Variants in NTN1 observed in about 807,000 individuals in gnomAD.
The protein encoded by NTN1 is netrin 1.
In NTN1, 11 loss-of-function variants were observed where a neutral mutation model predicts 54.2. That is an observed-to-expected ratio of 0.20 (90% confidence interval 0.13 to 0.34). The LOEUF is 0.34. NTN1 is among the 10% of genes least tolerant of loss of function. The pLI, the probability that NTN1 is intolerant of heterozygous loss-of-function variation, is 1.00. For missense variants in NTN1, 740 were observed against 893.1 expected (o/e 0.83, Z 2.18); for synonymous variants, 371 against 382.0 (o/e 0.97, Z 0.33).
intron 6 of NTN1, among the ~76,000 whole-genome samples, chr17:9,234,956 G>GT (rs1188174013): frequency 5.7e-5 from 5 of 87,502 alleles, no homozygotes; most frequent in Non-Finnish European, 8.2e-5. Flanking sequence ...TCTGTTTTTT[G>GT]TTTTTTGGTT....
rs116978338 is a variant in NTN1, at chr17:9,065,404, C to T, written c.1018+42013C>T. On this transcript the variant is annotated intron_variant, in intron 2 of 6. Transcript: ENST00000173229. ...CCTGTTCTTCCCACTCTTCTGTCTG[C>T]TCTTGGCTGGTTCTTTCTCATCCCT... Among the ~76,000 whole-genome samples the T allele has an allele frequency of 1.8e-4, 27 of 152,330 alleles. No homozygotes were observed. In the East Asian group the frequency reaches 5.2e-3, roughly 29 times the overall value.
intron 6 of NTN1, among the ~76,000 whole-genome samples, chr17:9,227,414 GCA>G (rs1275386290): frequency 7.5e-6 from 1 of 132,600 alleles, no homozygotes; most frequent in Non-Finnish European, 1.6e-5. Flanking sequence ...CACACCACAT[GCA>G]CACATACATA....
intron 2 of NTN1, among the ~76,000 whole-genome samples, chr17:9,118,574 C>G (rs2092222134): frequency 6.6e-6 from 1 of 152,140 alleles, no homozygotes; most frequent in South Asian, 2.1e-4. Context: ...AGTTGTACAA[C>G]CATCACCATA....
At chr17:9,039,846 G>C (rs1489479954) in intron 2 of NTN1, among the ~76,000 whole-genome samples, 1 of 152,016 alleles carries the variant, frequency 6.6e-6, no homozygotes, top group Non-Finnish European at 1.5e-5. Flanking sequence ...TTTCTGGGGG[G>C]GTATTCATTG....
intron 6 of NTN1, among the ~76,000 whole-genome samples, chr17:9,223,847 C>A (rs529922671): frequency 6.6e-6 from 1 of 152,302 alleles, no homozygotes; most frequent in African/African-American, 2.4e-5. Context: ...TCTCCTCTCC[C>A]CATCCTTCCC....
At chr17:9,184,569 C>T (rs2092427650) in intron 5 of NTN1, among the ~76,000 whole-genome samples, 1 of 152,206 alleles carries the variant, frequency 6.6e-6, no homozygotes, top group African/African-American at 2.4e-5. Flanking sequence ...AGGCTGTGCA[C>T]ACCGCGGGGG....
chr17:9,063,332 A>G (rs900321357), intron 2 of NTN1, among the ~76,000 whole-genome samples: 1 of 152,166 alleles, frequency 6.6e-6, no homozygotes, highest in African/African-American at 2.4e-5. Context: ...TCCTGGCCTC[A>G]GGGAATCCAC....
chr17:9,034,318 T>G (rs2091896625), intron 2 of NTN1, among the ~76,000 whole-genome samples: 2 of 152,202 alleles, frequency 1.3e-5, no homozygotes, highest in Admixed American at 6.5e-5. Flanking sequence ...CAGCACACAT[T>G]TCTATAGCCT....
At chr17:9,081,564 CA>C (rs1290820496) in intron 2 of NTN1, among the ~76,000 whole-genome samples, 1 of 152,214 alleles carries the variant, frequency 6.6e-6, no homozygotes, top group Non-Finnish European at 1.5e-5. Context: ...CCACCTGCCC[CA>C]CCCGTCCACA....
chr17:9,083,478 C>T (rs2092079169), intron 2 of NTN1, among the ~76,000 whole-genome samples: 1 of 152,244 alleles, frequency 6.6e-6, no homozygotes, highest in African/African-American at 2.4e-5. Context: ...ATTTTCCTGG[C>T]TACAGGAATT....
At chr17:9,103,448 G>C (rs1042155304) in intron 2 of NTN1, among the ~76,000 whole-genome samples, 1 of 152,112 alleles carries the variant, frequency 6.6e-6, no homozygotes, top group Non-Finnish European at 1.5e-5. Context: ...CTGTTCTCAT[G>C]ATAGTGAGTG....
intron 4 of NTN1, among the ~76,000 whole-genome samples, chr17:9,180,599 T>G (rs1487247990): frequency 1.3e-5 from 2 of 152,078 alleles, no homozygotes; most frequent in Non-Finnish European, 2.9e-5. Flanking sequence ...ATTCCAGGAG[T>G]GCTGTTGTCA....
Position 9,211,162 on chromosome 17 carries a change from C to T in NTN1, c.1412-10006C>T, listed in dbSNP as rs543214274. 6.6e-6 allele frequency among the ~76,000 whole-genome samples: 1 copy of T among 152,166 alleles called. No homozygotes were observed. Among genetic ancestry groups the T allele is most frequent in the Non-Finnish European group, 1.5e-5 (1 of 68,038 alleles). Reference sequence around the variant, plus strand: ...GGGACTCCCTGCAAACTGTAAGCCTCATCTCTGGCTGTGCAAACCCCAGCT... The same window carrying T: ...GGGACTCCCTGCAAACTGTAAGCCTTATCTCTGGCTGTGCAAACCCCAGCT... On this transcript the variant is annotated intron_variant, in intron 5 of 6. Coordinates refer to ENST00000173229, the MANE Select transcript of NTN1 (RefSeq NM_004822.3). This position sits in a 1 kb window ranked among gnomAD's most constrained non-coding sequence, Gnocchi z 4.4.
chr17:9,177,182 T>G (rs1028276161), intron 3 of NTN1: 2 of 152,214 alleles, frequency 1.3e-5, no homozygotes, highest in African/African-American at 2.4e-5. Context: ...CATCAGCTCA[T>G]GTTGAACCAA....
chr17:9,039,196 T>A (rs2091913654), intron 2 of NTN1, among the ~76,000 whole-genome samples: 1 of 152,274 alleles, frequency 6.6e-6, no homozygotes, highest in African/African-American at 2.4e-5. Flanking sequence ...CTGTTCATTT[T>A]CACTTATTCT....
intron 2 of NTN1, among the ~76,000 whole-genome samples, chr17:9,033,267 A>G (rs2091893291): frequency 6.6e-6 from 1 of 151,902 alleles, no homozygotes; most frequent in Admixed American, 6.6e-5. Flanking sequence ...TCCTTTTTAA[A>G]CCATGTTTTT....
At chr17:9,021,325 T>C (rs1347561404), upstream of NTN1, among the ~76,000 whole-genome samples, 1 of 151,778 alleles carries the variant, frequency 6.6e-6, no homozygotes, top group African/African-American at 2.4e-5. Flanking sequence ...TGCTGTTCTT[T>C]CTCGGGCTCC....
At chr17:9,083,932 T>G (rs1308762928) in intron 2 of NTN1, among the ~76,000 whole-genome samples, 2 of 152,128 alleles carry the variant, frequency 1.3e-5, no homozygotes, top group Non-Finnish European at 2.9e-5. Flanking sequence ...GGCTCTGGCC[T>G]TTGAGAGGCA....
Position 9,022,739 on chromosome 17 carries a change from C to A in NTN1, c.366C>A (p.Ser122=). 1.2e-6 allele frequency: 2 copies of A among 1,608,172 alleles called. No individual in the cohort carries two copies. The highest frequency in any genetic ancestry group is 1.7e-6 in the Non-Finnish European group (2 of 1,178,006). Residue 122 remains serine, a synonymous_variant, in exon 2 of 7, where the codon TCC becomes TCA. Coordinates refer to ENST00000173229, the MANE Select transcript of NTN1 (RefSeq NM_004822.3). The stretch of plus-strand genomic sequence containing the variant: ...CGCACAACCTGACGTGCTGGCAGTC[C>A]GAGAACTACCTGCAGTTCCCGCACA... ...NNPHNLTCWQ[S]ENYLQFPHNV...
Sources: allele counts gnomAD v4.1 joint callset (sites outside exome capture counted in the v4.1 genomes callset), GRCh38; gene constraint gnomAD v4.1.1; non-coding constraint Gnocchi (gnomAD v3.1); transcripts MANE v1.5; gene names NCBI Gene and HGNC (gene_info 2026-07-23, HGNC 2026-07-21).